SMG6: variants seen among roughly 807,000 people sequenced by gnomAD.
SMG6 encodes the protein telomerase-binding protein EST1A.
In SMG6, 66 loss-of-function variants were observed where a neutral mutation model predicts 142.2. The observed-to-expected ratio is 0.46, with a 90% CI of 0.38 to 0.57. The LOEUF is 0.57. Ranked by LOEUF, SMG6 falls within the 20% of genes least tolerant of loss-of-function variation. The pLI, the probability that SMG6 is intolerant of heterozygous loss-of-function variation, is 0.00. For synonymous variants in SMG6, 779 were observed against 702.4 expected (o/e 1.11, Z -1.72); for missense variants, 1,793 against 1,832.0 (o/e 0.98, Z 0.39).
At chr17:2,111,784 TAC>T (rs2069328927) in intron 13 of SMG6, among the ~76,000 whole-genome samples, 1 of 152,164 alleles carries the variant, frequency 6.6e-6, no homozygotes, top group African/African-American at 2.4e-5. Flanking sequence ...GCTTGTTAGC[TAC>T]ACAGTTTGAA....
intron 13 of SMG6, among the ~76,000 whole-genome samples, chr17:2,148,165 T>C (rs187195020): frequency 2.0e-5 from 3 of 152,250 alleles, no homozygotes; most frequent in Non-Finnish European, 4.4e-5. Flanking sequence ...CACTCCAGCC[T>C]GGGCGACAGA....
At chr17:2,137,561 G>A (rs2070344353) in intron 13 of SMG6, among the ~76,000 whole-genome samples, 1 of 152,040 alleles carries the variant, frequency 6.6e-6, no homozygotes, top group African/African-American at 2.4e-5. Context: ...GGTTCTCGGG[G>A]AGGAGTTTAA....
chr17:2,151,641 T>C (rs1406341558), intron 13 of SMG6, among the ~76,000 whole-genome samples: 1 of 152,220 alleles, frequency 6.6e-6, no homozygotes, highest in African/African-American at 2.4e-5. Context: ...CAGTGGCAAA[T>C]GCTGCTTAAG....
chr17:2,268,890 C>T (rs999411076), intron 8 of SMG6, among the ~76,000 whole-genome samples: 3 of 144,326 alleles, frequency 2.1e-5, no homozygotes, highest in African/African-American at 5.2e-5. Context: ...CCAGCCTGGG[C>T]GACAGAGTTA....
intron 13 of SMG6, among the ~76,000 whole-genome samples, chr17:2,102,981 G>A (rs190436989): frequency 1.6e-4 from 24 of 152,302 alleles, no homozygotes; most frequent in African/African-American, 4.3e-4. Context: ...TCTTTTTAAA[G>A]GCCAAATAGT....
chr17:2,234,126 G>A (rs909116926), intron 10 of SMG6, among the ~76,000 whole-genome samples: 4 of 152,036 alleles, frequency 2.6e-5, no homozygotes, highest in African/African-American at 4.8e-5. Flanking sequence ...GAGGGTACTC[G>A]TTATGACCCA....
intron 1 of SMG6, among the ~76,000 whole-genome samples, chr17:2,301,011 C>G (rs929076487): frequency 6.6e-6 from 1 of 152,200 alleles, no homozygotes; most frequent in Non-Finnish European, 1.5e-5. Flanking sequence ...CAAAAGACCT[C>G]TCTAACCTTT....
chr17:2,237,919 A>G (rs1567708763), intron 9 of SMG6, among the ~76,000 whole-genome samples: 1 of 152,222 alleles, frequency 6.6e-6, no homozygotes, highest in Non-Finnish European at 1.5e-5. Flanking sequence ...CCAGCCCCCA[A>G]ATAAACAAAC....
intron 10 of SMG6, among the ~76,000 whole-genome samples, chr17:2,194,821 G>A (rs1459148878): frequency 2.6e-5 from 4 of 152,072 alleles, no homozygotes; most frequent in Admixed American, 1.3e-4. Flanking sequence ...GTGTATTCTC[G>A]GCAGGTTCCA....
chr17:2,298,291 A>G (rs551663568), intron 2 of SMG6, among the ~76,000 whole-genome samples: 2 of 152,346 alleles, frequency 1.3e-5, no homozygotes, highest in Admixed American at 1.3e-4. Context: ...TAACAACTGA[A>G]ATAAGATCTT....
At chr17:2,288,022 G>A (rs1006870721) in intron 6 of SMG6, among the ~76,000 whole-genome samples, 4 of 152,170 alleles carry the variant, frequency 2.6e-5, no homozygotes, top group Non-Finnish European at 4.4e-5. Context: ...ACTTAAAAAT[G>A]GGTAAGACAG....
At chr17:2,237,393 C>G (rs1233281128) in intron 9 of SMG6, 1 of 519,544 alleles carries the variant, frequency 1.9e-6, no homozygotes, top group East Asian at 1.5e-4. Flanking sequence ...CAAGCGTTTA[C>G]TTTAGGTAAC....
Position 2,085,911 on chromosome 17 carries a change from G to C in SMG6, c.3358-10C>G, listed in dbSNP as rs2068548129. The stretch of plus-strand genomic sequence containing the variant: ...AGTCAGCTGCAATAACCTACAGGGT[G>C]AGAGGGAGAGAAGAAAAACAGCATT... On this transcript the variant is annotated splice_polypyrimidine_tract_variant and intron_variant, in intron 13 of 18. Coordinates refer to ENST00000263073, the MANE Select transcript of SMG6 (RefSeq NM_017575.5). This position sits in a 1 kb window ranked among gnomAD's most constrained non-coding sequence, Gnocchi z 4.1. The C allele has an allele frequency of 6.2e-7, 1 of 1,612,150 alleles. No individual in the cohort carries two copies. The highest frequency in any genetic ancestry group is 1.7e-5 in the Admixed American group (1 of 59,358).
At chr17:2,208,023 GGAGGTC>G (rs1038574693) in intron 10 of SMG6, among the ~76,000 whole-genome samples, 4 of 152,256 alleles carry the variant, frequency 2.6e-5, no homozygotes, top group African/African-American at 9.6e-5. Flanking sequence ...AAGCACTTTG[GGAGGTC>G]GAGGTGGGAG....
At chr17:2,069,014 C>A in intron 15 of SMG6, 83 bp from the exon 16 acceptor site, 1 of 1,397,040 alleles carries the variant, frequency 7.2e-7, no homozygotes, top group South Asian at 1.3e-5. Flanking sequence ...TACGGTGTGT[C>A]AGCATCCTGC....
intron 13 of SMG6, among the ~76,000 whole-genome samples, chr17:2,103,739 T>G (rs1462624913): frequency 6.6e-6 from 1 of 152,116 alleles, no homozygotes; most frequent in Admixed American, 6.5e-5. Flanking sequence ...TTGGGCCACT[T>G]GGAGGGTATA....
chr17:2,084,404 T>A (rs1335551318), intron 14 of SMG6, among the ~76,000 whole-genome samples: 1 of 152,170 alleles, frequency 6.6e-6, no homozygotes, highest in Non-Finnish European at 1.5e-5. Context: ...GAGTCTGGAA[T>A]CCTAGGCTCA....
chr17:2,088,049 G>A (rs2068612729), intron 13 of SMG6: 1 of 985,382 alleles, frequency 1.0e-6, no homozygotes, highest in African/African-American at 1.7e-5. Flanking sequence ...GGAGTGAGAA[G>A]AGGACAGAGG....
chr17:2,269,427 T>C (rs1269026047), intron 8 of SMG6, among the ~76,000 whole-genome samples: 1 of 145,760 alleles, frequency 6.9e-6, no homozygotes, highest in East Asian at 2.0e-4. Flanking sequence ...GCCACCTACA[T>C]AACACACTTT....
Sources: allele counts gnomAD v4.1 joint callset (sites outside exome capture counted in the v4.1 genomes callset), GRCh38; gene constraint gnomAD v4.1.1; non-coding constraint Gnocchi (gnomAD v3.1); transcripts MANE v1.5; gene names NCBI Gene and HGNC (gene_info 2026-07-23, HGNC 2026-07-21).